Variants in SLC24A2 observed in about 807,000 individuals in gnomAD.
SLC24A2 encodes sodium/potassium/calcium exchanger 2.
A neutral mutation model predicts 62.0 loss-of-function variants in SLC24A2; 36 were observed. That is an observed-to-expected ratio of 0.58 (90% confidence interval 0.44 to 0.77). The LOEUF (loss-of-function observed/expected upper bound fraction) is 0.77, where lower values mean the gene tolerates loss of function less well. Among genes scored for constraint, SLC24A2 ranks in the 30% least tolerant of loss-of-function variants. SLC24A2 has a pLI of 0.00. For missense variants in SLC24A2, 846 were observed against 817.9 expected (o/e 1.03, Z -0.42); for synonymous variants, 358 against 294.0 (o/e 1.22, Z -2.23).
the SLC24A2 span, among the ~76,000 whole-genome samples, chr9:20,287,143 A>G: frequency 6.6e-6 from 1 of 152,192 alleles, no homozygotes; most frequent in East Asian, 1.9e-4. Flanking sequence ...AACCTGTATA[A>G]ATAAGCACAA....
chr9:20,076,592 G>A, the SLC24A2 span, among the ~76,000 whole-genome samples: 1 of 152,056 alleles, frequency 6.6e-6, no homozygotes, highest in Non-Finnish European at 1.5e-5. Context: ...CTTGATGTAA[G>A]CCTCCAGAAC....
intron 2 of SLC24A2, among the ~76,000 whole-genome samples, chr9:19,773,501 A>T (rs766879559): frequency 1.3e-5 from 2 of 152,214 alleles, no homozygotes; most frequent in Non-Finnish European, 2.9e-5. Flanking sequence ...TTCCTCTTTC[A>T]TAAGTAGGAA....
intron 2 of SLC24A2, among the ~76,000 whole-genome samples, chr9:19,678,035 C>T (rs955720269): frequency 1.3e-5 from 2 of 152,128 alleles, no homozygotes; most frequent in Non-Finnish European, 2.9e-5. Context: ...TTATCTCTGT[C>T]GCAGTAGCTT....
chr9:19,991,123 C>T, the SLC24A2 span, among the ~76,000 whole-genome samples: 2 of 151,310 alleles, frequency 1.3e-5, no homozygotes, highest in African/African-American at 4.9e-5. Flanking sequence ...AGGTGAAGTC[C>T]CACAATAGGC....
intron 2 of SLC24A2, among the ~76,000 whole-genome samples, chr9:19,731,549 G>A (rs1821339241): frequency 6.6e-6 from 1 of 150,834 alleles, no homozygotes; most frequent in Non-Finnish European, 1.5e-5. Flanking sequence ...GTGTGCATGT[G>A]TGCACATGCA....
the SLC24A2 span, among the ~76,000 whole-genome samples, chr9:19,836,973 A>G: frequency 1.3e-5 from 2 of 152,188 alleles, no homozygotes; most frequent in African/African-American, 4.8e-5. Context: ...ACCAAAGACA[A>G]AAACCACACG....
the SLC24A2 span, among the ~76,000 whole-genome samples, chr9:20,137,559 A>G: frequency 6.6e-6 from 1 of 152,240 alleles, no homozygotes; most frequent in South Asian, 2.1e-4. Flanking sequence ...GACACTGTGA[A>G]CTAGATATGA....
chr9:19,830,913 A>T, the SLC24A2 span, among the ~76,000 whole-genome samples: 60 of 152,314 alleles, frequency 3.9e-4, no homozygotes, highest in African/African-American at 1.4e-3. Context: ...AAAGTTCCAG[A>T]CCAAGGCATC....
At chr9:20,053,945 G>A in the SLC24A2 span, among the ~76,000 whole-genome samples, 1 of 152,188 alleles carries the variant, frequency 6.6e-6, no homozygotes, top group Non-Finnish European at 1.5e-5. Flanking sequence ...ATCTGGCACT[G>A]CATGTGCATG....
intron 7 of SLC24A2, among the ~76,000 whole-genome samples, chr9:19,565,545 G>T (rs1447866786): frequency 9.2e-5 from 14 of 151,478 alleles, no homozygotes; most frequent in African/African-American, 2.9e-4. Context: ...ACTGCCCAAG[G>T]TAATTTATAG....
chr9:20,041,980 C>T, the SLC24A2 span, among the ~76,000 whole-genome samples: 1 of 152,252 alleles, frequency 6.6e-6, no homozygotes, highest in Non-Finnish European at 1.5e-5. Flanking sequence ...GCAGCAGCTA[C>T]AAGCGCTACC....
the SLC24A2 span, among the ~76,000 whole-genome samples, chr9:19,992,085 T>C: frequency 3.3e-5 from 5 of 152,206 alleles, no homozygotes; most frequent in Non-Finnish European, 7.3e-5. Flanking sequence ...AATATTAATG[T>C]TATCACTTAA....
At chr9:20,216,643 C>G in the SLC24A2 span, among the ~76,000 whole-genome samples, 1 of 152,262 alleles carries the variant, frequency 6.6e-6, no homozygotes, top group East Asian at 1.9e-4. Context: ...TATCCAGTGT[C>G]TCATTTTTGG....
intron 2 of SLC24A2, among the ~76,000 whole-genome samples, chr9:19,733,920 A>G (rs977169867): frequency 1.3e-5 from 2 of 152,206 alleles, no homozygotes; most frequent in Non-Finnish European, 2.9e-5. Context: ...ATTTCAGGTA[A>G]TAAGTCCAGG....
the SLC24A2 span, among the ~76,000 whole-genome samples, chr9:19,946,858 G>C: frequency 1.3e-5 from 2 of 152,192 alleles, no homozygotes; most frequent in Non-Finnish European, 2.9e-5. Flanking sequence ...TTCTCAGAAA[G>C]AGCTGTTTTC....
the SLC24A2 span, among the ~76,000 whole-genome samples, chr9:20,143,356 A>T: frequency 6.6e-6 from 1 of 152,226 alleles, no homozygotes; most frequent in African/African-American, 2.4e-5. Context: ...AACTGAACAA[A>T]GAAACAAAAA....
chr9:20,034,461 T>G, the SLC24A2 span, among the ~76,000 whole-genome samples: 74 of 138,280 alleles, frequency 5.4e-4, 2 homozygotes, highest in Middle Eastern at 3.5e-3. Context: ...GTTTTTTTTT[T>G]TTTTTTTTTT....
chr9:19,522,234 G>A lies in SLC24A2; in HGVS notation c.1570-1174C>T, dbSNP rs111465476. ...AGGCTGGTCTTGAACTCTCGGCCTC[G>A]AGATCCTCCTGCCTTGGCCTCCCAA... On this transcript the variant is annotated intron_variant, in intron 9 of 10. Coordinates refer to ENST00000341998, the MANE Select transcript of SLC24A2 (RefSeq NM_020344.4). 7.8e-3 allele frequency among the ~76,000 whole-genome samples: 1,181 copies of A among 152,110 alleles called. 15 individuals are homozygous for A. Among genetic ancestry groups the A allele is most frequent in the African/African-American group, 0.027 (1,125 of 41,484 alleles).
At chr9:19,882,664 T>TAAAAAAA in the SLC24A2 span, among the ~76,000 whole-genome samples, 1 of 140,880 alleles carries the variant, frequency 7.1e-6, no homozygotes, top group Non-Finnish European at 1.5e-5. Flanking sequence ...ATCTACAGGT[T>TAAAAAAA]AAAAAAAAAA....
Sources: allele counts gnomAD v4.1 joint callset (sites outside exome capture counted in the v4.1 genomes callset), GRCh38; gene constraint gnomAD v4.1.1; transcripts MANE v1.5; gene names NCBI Gene and HGNC (gene_info 2026-07-23, HGNC 2026-07-21).